ADARB2: variants seen among roughly 807,000 people sequenced by gnomAD.
ADARB2 encodes adenosine deaminase RNA specific B2 (inactive).
Under a neutral mutation model 62.2 loss-of-function variants are expected in ADARB2, and 25 were observed. The observed-to-expected ratio is 0.40, with a 90% CI of 0.29 to 0.56. ADARB2 has a LOEUF of 0.56. Among genes scored for constraint, ADARB2 ranks in the 20% least tolerant of loss-of-function variants. The probability of loss-of-function intolerance (pLI) is 0.43; values close to 1 mark genes in which losing one functional copy is unlikely to be tolerated. For synonymous variants in ADARB2, 572 were observed against 500.8 expected (o/e 1.14, Z -1.90); for missense variants, 1,071 against 1,077.4 (o/e 0.99, Z 0.08).
At chr10:1,604,775 ATAG>A (rs1458541043) in intron 1 of ADARB2, among the ~76,000 whole-genome samples, 1 of 152,142 alleles carries the variant, frequency 6.6e-6, no homozygotes, top group African/African-American at 2.4e-5. Context: ...TGCATCAACT[ATAG>A]TGTCTGGTGT....
intron 1 of ADARB2, among the ~76,000 whole-genome samples, chr10:1,563,050 C>T (rs1832807830): frequency 6.6e-6 from 1 of 152,154 alleles, no homozygotes; most frequent in South Asian, 2.1e-4. Flanking sequence ...GACTTGAGTC[C>T]CTGTGTCCTC....
intron 2 of ADARB2, among the ~76,000 whole-genome samples, chr10:1,372,417 T>C (rs1342249566): frequency 6.6e-6 from 1 of 152,140 alleles, no homozygotes; most frequent in Non-Finnish European, 1.5e-5. Context: ...GGGTGCAGTA[T>C]ACCCACGGGA....
chr10:1,431,348 G>GA (rs1329590202), intron 1 of ADARB2, among the ~76,000 whole-genome samples: 1 of 151,892 alleles, frequency 6.6e-6, no homozygotes, highest in Admixed American at 6.6e-5. Flanking sequence ...ATGTATCAGA[G>GA]AAAAAATCTC....
chr10:1,532,897 G>A (rs1832267588), intron 1 of ADARB2, among the ~76,000 whole-genome samples: 1 of 152,070 alleles, frequency 6.6e-6, no homozygotes, highest in Non-Finnish European at 1.5e-5. Flanking sequence ...GAACCCCTCA[G>A]GCTGCCCCAG....
chr10:1,562,673 C>G (rs532410368), intron 1 of ADARB2, among the ~76,000 whole-genome samples: 2 of 152,360 alleles, frequency 1.3e-5, no homozygotes, highest in Admixed American at 1.3e-4. Flanking sequence ...GAGGCTGGCC[C>G]TCGGCATTGG....
In ADARB2 at chr10:1,363,189, A is replaced by T; in HGVS notation, c.916T>A (p.Phe306Ile). Reference protein sequence around the residue: ...AEPAERRARSFVMAVSVDGRT... With the variant: ...AEPAERRARSIVMAVSVDGRT... The stretch of plus-strand genomic sequence containing the variant: ...CCGTCCACGCTCACGGCCATCACGA[A>T]GCTCCGCGCGCGCCGCTCGGCCGGT... Residue 306 changes from phenylalanine to isoleucine, a missense_variant, in exon 3 of 10, where the codon TTC becomes ATC. Physicochemically the swap from Phe to Ile is conservative, Grantham distance 21. Transcript: ENST00000381312. 6.6e-7 allele frequency: 1 copy of T among 1,514,322 alleles called. No individual in the cohort carries two copies. The highest frequency in any genetic ancestry group is 8.8e-7 in the Non-Finnish European group (1 of 1,137,624). 93.8% of individuals were successfully genotyped at this position (1,514,322 alleles called of 1,614,324 possible).
intron 1 of ADARB2, among the ~76,000 whole-genome samples, chr10:1,674,091 A>C (rs904247976): frequency 1.3e-5 from 2 of 152,246 alleles, no homozygotes; most frequent in African/African-American, 2.4e-5. Flanking sequence ...GTCAGACCTG[A>C]GGGCTGCAAG....
rs1044480283 is a variant in ADARB2 at position 1,677,488 on chromosome 10, C to T, written c.100+59563G>A. Among the ~76,000 whole-genome samples, 5 of 151,996 alleles carry T rather than the reference C, an allele frequency of 3.3e-5. No individual in the cohort carries two copies. In the East Asian group the frequency reaches 7.7e-4, roughly 23 times the overall value. On this transcript the variant is annotated intron_variant, in intron 1 of 9. Transcript: ENST00000381312. ...GCTGTCAGCCACACTGAAGGGGGTC[C>T]CAGATGAGAGGAGCCCTGGGGAGGG...
chr10:1,448,183 T>C (rs1830994488), intron 1 of ADARB2, among the ~76,000 whole-genome samples: 1 of 152,190 alleles, frequency 6.6e-6, no homozygotes, highest in African/African-American at 2.4e-5. Flanking sequence ...GAAACAAACA[T>C]GTTAGTGGTG....
chr10:1,363,522 C>T lies in ADARB2; in HGVS notation c.583G>A (p.Ala195Thr). 6.5e-7 allele frequency: 1 copy of T among 1,541,088 alleles called. No individual in the cohort carries two copies. Among genetic ancestry groups the T allele is most frequent in the Non-Finnish European group, 8.7e-7 (1 of 1,147,544 alleles). The change falls in exon 3 of 10, where the codon GCC (alanine) becomes ACC (threonine). Residue 195 changes from alanine to threonine, a missense_variant. Ala to Thr is a moderately conservative substitution (Grantham distance 58). Transcript: ENST00000381312. ...CCCATGGCCAGGTGCGCCTGGCAGG[C>T]GTTGGGGAACTGCACGAAGGACCTG... ...ALRSFVQFPNACQAHLAMGGG... is the reference protein window; with the variant it reads ...ALRSFVQFPNTCQAHLAMGGG...
At chr10:1,518,083 C>A (rs1588285031) in intron 1 of ADARB2, among the ~76,000 whole-genome samples, 2 of 152,108 alleles carry the variant, frequency 1.3e-5, no homozygotes, top group Non-Finnish European at 2.9e-5. Context: ...ACAAAACAGG[C>A]GATATTTGTT....
chr10:1,697,971 A>C (rs1383293989), intron 1 of ADARB2, among the ~76,000 whole-genome samples: 1 of 152,242 alleles, frequency 6.6e-6, no homozygotes, highest in Non-Finnish European at 1.5e-5. Flanking sequence ...TTTCTTATGC[A>C]GTTCTCTAAA....
intron 3 of ADARB2, among the ~76,000 whole-genome samples, chr10:1,281,732 C>T (rs1450332379): frequency 6.6e-6 from 1 of 152,218 alleles, no homozygotes; most frequent in Non-Finnish European, 1.5e-5. Context: ...GCTCTCGCTA[C>T]ACTCCTAAGC....
intron 4 of ADARB2, among the ~76,000 whole-genome samples, chr10:1,249,326 C>T (rs573191984): frequency 2.2e-4 from 34 of 151,486 alleles, no homozygotes; most frequent in Admixed American, 4.6e-4. Flanking sequence ...CCTGTAGTCC[C>T]GGGTACTTGA....
At chr10:1,478,308 G>T (rs1564302183) in intron 1 of ADARB2, among the ~76,000 whole-genome samples, 2 of 152,212 alleles carry the variant, frequency 1.3e-5, no homozygotes, top group Non-Finnish European at 2.9e-5. Flanking sequence ...GGTCTTCTGT[G>T]TCTCAACCTG....
At chr10:1,582,625 C>T (rs1376233730) in intron 1 of ADARB2, among the ~76,000 whole-genome samples, 1 of 152,210 alleles carries the variant, frequency 6.6e-6, no homozygotes, top group Non-Finnish European at 1.5e-5. Context: ...GCAGCACCCT[C>T]AGCCAAACAG....
intron 1 of ADARB2, among the ~76,000 whole-genome samples, chr10:1,662,334 T>A (rs1834258997): frequency 6.6e-6 from 1 of 152,158 alleles, no homozygotes; most frequent in African/African-American, 2.4e-5. Flanking sequence ...GCCTCCATCC[T>A]CGGCCTCAGG....
chr10:1,192,083 A>G (rs966944306), intron 8 of ADARB2, among the ~76,000 whole-genome samples: 2 of 152,186 alleles, frequency 1.3e-5, no homozygotes, highest in Non-Finnish European at 2.9e-5. Flanking sequence ...GAAAATCCTT[A>G]TTTACCTTTT....
intron 1 of ADARB2, among the ~76,000 whole-genome samples, chr10:1,732,127 TA>T (rs1432259331): frequency 6.6e-6 from 1 of 152,020 alleles, no homozygotes; most frequent in East Asian, 1.9e-4. Flanking sequence ...GAAAAAGAAG[TA>T]GGGGGTATAA....
Sources: allele counts gnomAD v4.1 joint callset (sites outside exome capture counted in the v4.1 genomes callset), GRCh38; gene constraint gnomAD v4.1.1; transcripts MANE v1.5; gene names NCBI Gene and HGNC (gene_info 2026-07-23, HGNC 2026-07-21).